USP13: variants seen among roughly 807,000 people sequenced by gnomAD.
USP13 encodes ubiquitin carboxyl-terminal hydrolase 13.
USP13 carries 68 observed loss-of-function variants against 107.8 expected under a neutral mutation model. The observed-to-expected ratio is 0.63, with a 90% CI of 0.52 to 0.77. The LOEUF (loss-of-function observed/expected upper bound fraction) is 0.77. USP13 is among the 30% of genes least tolerant of loss of function. The pLI is 0.00. For synonymous variants in USP13, 377 were observed against 389.5 expected (o/e 0.97, Z 0.38); for missense variants, 945 against 1,093.3 (o/e 0.86, Z 1.91).
At chr3:179,682,130 A>G (rs1560046865) in intron 2 of USP13, 127 bp downstream of exon 2, 7 of 1,231,122 alleles carry the variant, frequency 5.7e-6, no homozygotes, top group Non-Finnish European at 7.7e-6. Context: ...ATGAGAAACA[A>G]AAACAGCACT....
At chr3:179,675,268 T>C (rs1720862148) in intron 1 of USP13, among the ~76,000 whole-genome samples, 1 of 152,108 alleles carries the variant, frequency 6.6e-6, no homozygotes, top group Non-Finnish European at 1.5e-5. Context: ...TTTAGTTTTG[T>C]AATTGCTTAT....
intron 10 of USP13, among the ~76,000 whole-genome samples, chr3:179,739,081 C>T (rs545032672): frequency 6.6e-6 from 1 of 152,292 alleles, no homozygotes; most frequent in South Asian, 2.1e-4. Flanking sequence ...ACTGTTATAC[C>T]ACCCTCAGGG....
At chr3:179,675,811 G>C (rs1345025545) in intron 1 of USP13, among the ~76,000 whole-genome samples, 1 of 152,124 alleles carries the variant, frequency 6.6e-6, no homozygotes, top group Non-Finnish European at 1.5e-5. Flanking sequence ...GCCTCCCAAA[G>C]TGCTGGGATT....
chr3:179,720,052 TTC>T lies in USP13; in HGVS notation c.900+20_900+21del. 6.2e-7 allele frequency: 1 copy of T among 1,607,292 alleles called. No individual in the cohort carries two copies. The highest frequency in any genetic ancestry group is 8.5e-7 in the Non-Finnish European group (1 of 1,174,960). On this transcript the variant is annotated intron_variant, in intron 7 of 20. Coordinates refer to ENST00000263966, the MANE Select transcript of USP13 (RefSeq NM_003940.3). ...TGCATGGGGTGAGGTCTCCTTTTGT[TTC>T]TGTTTCCATCTTGCATGGGGTAGGG...
In USP13 at chr3:179,742,157, T is replaced by C. The variant is rs1349062698; in HGVS notation, c.1381-40T>C. On this transcript the variant is annotated intron_variant, in intron 11 of 20. Transcript: ENST00000263966. The surrounding 1 kb of genome is among the most constrained non-coding windows in gnomAD (Gnocchi z 5.0). ...TTTCTACTAAGTCTTAGTGGCTCAA[T>C]ATTCATACATTTACTAACCTGATAC... The C allele has an allele frequency of 2.5e-6, 4 of 1,612,910 alleles. No individual in the cohort carries two copies. In the South Asian group the frequency reaches 4.4e-5, roughly 18 times the overall value.
At chr3:179,748,246 G>C in intron 13 of USP13, among the ~76,000 whole-genome samples, 1 of 152,214 alleles carries the variant, frequency 6.6e-6, no homozygotes, top group Non-Finnish European at 1.5e-5. Context: ...CTAAATGCCT[G>C]CTATCAAGCA....
chr3:179,761,165 C>T lies in USP13; in HGVS notation c.2002C>T (p.Leu668=), dbSNP rs1406613660. Residue 668 remains leucine (L), a synonymous_variant, in exon 17 of 21, where the codon CTG becomes TTG. Coordinates refer to ENST00000263966, the MANE Select transcript of USP13 (RefSeq NM_003940.3). ...VMQLAEMGFP[L]EACRKAVYFT... The stretch of plus-strand genomic sequence containing the variant: ...GCAGCTGGCCGAGATGGGTTTCCCG[C>T]TGGAAGCATGTCGCAAGGCTGTGTA... 35 of 1,614,088 alleles carry T rather than the reference C, an allele frequency of 2.2e-5. No individual in the cohort carries two copies. The Admixed American group carries it at 5.7e-4, about 26-fold the overall frequency.
At chr3:179,724,265 C>G (rs988456332) in intron 8 of USP13, among the ~76,000 whole-genome samples, 5 of 151,510 alleles carry the variant, frequency 3.3e-5, no homozygotes, top group African/African-American at 1.2e-4. Flanking sequence ...TGAGACCAGC[C>G]TGGCCAACAT....
chr3:179,733,402 G>A (rs1017571258), intron 10 of USP13, among the ~76,000 whole-genome samples: 2 of 152,142 alleles, frequency 1.3e-5, no homozygotes, highest in Admixed American at 1.3e-4. Flanking sequence ...GTTTCAAGCT[G>A]TTCCTTGAAT....
intron 1 of USP13, among the ~76,000 whole-genome samples, chr3:179,660,745 C>T (rs939249760): frequency 1.3e-5 from 2 of 152,206 alleles, no homozygotes; most frequent in Admixed American, 1.3e-4. Flanking sequence ...AAAACTCTTC[C>T]TCCTGATGGA....
chr3:179,707,312 A>G lies in USP13; in HGVS notation c.620+236A>G, dbSNP rs1047288739. 4.6e-4 allele frequency among the ~76,000 whole-genome samples: 47 copies of G among 102,354 alleles called. 1 individual carries two copies. Among genetic ancestry groups the G allele is most frequent in the Admixed American group, 1.1e-4 (1 of 8,846 alleles). 67.1% of individuals were successfully genotyped at this position (102,354 alleles called of 152,430 possible). A position where few individuals can be genotyped will look rare whatever the true frequency, so the allele number is the denominator to read the frequency against. On this transcript the variant is annotated intron_variant, in intron 5 of 20. Coordinates refer to ENST00000263966, the MANE Select transcript of USP13 (RefSeq NM_003940.3). ...GAAGCTGCCAGTTGCAAGCACTTGC[A>G]ACGCTTTGCATGAGAGCTTTTTCTG...
intron 4 of USP13, among the ~76,000 whole-genome samples, chr3:179,706,245 A>C (rs556665935): frequency 6.6e-6 from 1 of 152,362 alleles, no homozygotes; most frequent in East Asian, 1.9e-4. Context: ...ATAGCTAGAA[A>C]TAGCTTATAG....
At chr3:179,740,204 T>C in intron 10 of USP13, 43 bp from the exon 11 acceptor site, 2 of 1,608,160 alleles carry the variant, frequency 1.2e-6, no homozygotes, top group Non-Finnish European at 8.5e-7. Context: ...GGCTGTTAAT[T>C]TGCATGAAAG....
chr3:179,758,534 T>C (rs934427150), intron 16 of USP13, among the ~76,000 whole-genome samples: 4 of 151,944 alleles, frequency 2.6e-5, no homozygotes, highest in Admixed American at 2.6e-4. Context: ...AGTCTTGCTC[T>C]ATCACCCAGG....
chr3:179,773,671 G>T (rs1175920244), intron 19 of USP13, among the ~76,000 whole-genome samples: 1 of 152,128 alleles, frequency 6.6e-6, no homozygotes, highest in Non-Finnish European at 1.5e-5. Context: ...GTTACTACTG[G>T]TTTAAAAACA....
In USP13 at chr3:179,730,640, C is replaced by G. The variant is rs1423113060; in HGVS notation, c.1185C>G (p.Leu395=). The change falls in exon 10 of 21, where the codon CTC becomes CTG. Residue 395 remains leucine (L), a synonymous_variant. Coordinates refer to ENST00000263966, the MANE Select transcript of USP13 (RefSeq NM_003940.3). ...TQMTKLGHGL[L]SGQYSKPPVK... ...GGACTAAGTTAGGACATGGCCTTCT[C>G]TCAGGCCAGTATTCAAAGCCTCCGG... 4.3e-6 allele frequency: 7 copies of G among 1,614,098 alleles called. No individual in the cohort carries two copies. The highest frequency in any genetic ancestry group is 5.9e-6 in the Non-Finnish European group (7 of 1,179,978).
chr3:179,739,100 A>G (rs2261441), intron 10 of USP13, among the ~76,000 whole-genome samples: 53,152 of 152,068 alleles, frequency 0.35, 11,303 homozygotes, highest in Non-Finnish European at 0.46. Flanking sequence ...GGACCTTACA[A>G]GGACCTTTCC....
chr3:179,689,894 A>G (rs1260769847), intron 2 of USP13, among the ~76,000 whole-genome samples: 2 of 152,160 alleles, frequency 1.3e-5, no homozygotes, highest in Non-Finnish European at 2.9e-5. Context: ...CTGGAGCCCC[A>G]TCATCTTTCC....
intron 15 of USP13, among the ~76,000 whole-genome samples, chr3:179,756,029 G>A (rs1406332968): frequency 2.6e-5 from 4 of 152,234 alleles, no homozygotes; most frequent in Non-Finnish European, 5.9e-5. Context: ...AGAAGGATCA[G>A]CATGGGCATC....
Sources: gnomAD v4.1 joint callset for allele counts (sites outside exome capture counted in the v4.1 genomes callset) on GRCh38, gnomAD v4.1.1 for gene constraint, Gnocchi (gnomAD v3.1) non-coding constraint, MANE v1.5 for transcripts, NCBI Gene and HGNC (gene_info 2026-07-23, HGNC 2026-07-21) for gene names.